FBN2: variants seen among roughly 807,000 people sequenced by gnomAD.
FBN2 encodes fibrillin 2, also known as fibrillin-2.
In FBN2, 105 loss-of-function variants were observed where a neutral mutation model predicts 355.6. The ratio of observed to expected loss-of-function variants is 0.30; its 90% CI spans 0.25 to 0.35. FBN2 has a LOEUF of 0.35. FBN2 is among the 10% of genes least tolerant of loss of function. FBN2 has a pLI of 1.00. For synonymous variants in FBN2, 1,350 were observed against 1,301.2 expected (o/e 1.04, Z -0.81); for missense variants, 3,280 against 3,758.7 (o/e 0.87, Z 3.33).
At chr5:128,461,551 A>G (rs1436997841) in intron 6 of FBN2, among the ~76,000 whole-genome samples, 6 of 152,192 alleles carry the variant, frequency 3.9e-5, no homozygotes, top group Non-Finnish European at 8.8e-5. Flanking sequence ...ACATGCACAC[A>G]TATGTTTATT....
intron 5 of FBN2, among the ~76,000 whole-genome samples, chr5:128,473,965 C>G (rs1343311414): frequency 6.6e-6 from 1 of 152,200 alleles, no homozygotes; most frequent in Admixed American, 6.5e-5. Flanking sequence ...TTTCACCTTT[C>G]TCTGCAGTCT....
chr5:128,264,085 T>C (rs184099929), intron 62 of FBN2, among the ~76,000 whole-genome samples: 2 of 152,092 alleles, frequency 1.3e-5, no homozygotes, highest in African/African-American at 2.4e-5. Flanking sequence ...TTGGAGGTGA[T>C]GAGAATGTTC....
chr5:128,398,484 A>G (rs1187031109), intron 8 of FBN2, among the ~76,000 whole-genome samples: 1 of 151,990 alleles, frequency 6.6e-6, no homozygotes, highest in Non-Finnish European at 1.5e-5. Flanking sequence ...CAGACTTAAA[A>G]GAGATCAAAC....
chr5:128,289,544 C>T (rs949994529), intron 51 of FBN2, among the ~76,000 whole-genome samples: 2 of 151,914 alleles, frequency 1.3e-5, no homozygotes, highest in Admixed American at 1.3e-4. Context: ...AGCTGGATCG[C>T]ACCACTGCAT....
chr5:128,393,014 C>T, intron 10 of FBN2, 121 bp downstream of exon 10: 1 of 720,738 alleles, frequency 1.4e-6, no homozygotes, highest in Non-Finnish European at 2.4e-6. Context: ...CACCCACAAA[C>T]ACACACACAC....
chr5:128,307,992 C>CTCAA (rs1166357289), intron 41 of FBN2, among the ~76,000 whole-genome samples: 1 of 152,042 alleles, frequency 6.6e-6, no homozygotes, highest in African/African-American at 2.4e-5. Context: ...ACCACAGATG[C>CTCAA]TCAACTTAAT....
At chr5:128,314,918 A>G (rs989991251) in intron 36 of FBN2, among the ~76,000 whole-genome samples, 1 of 152,168 alleles carries the variant, frequency 6.6e-6, no homozygotes. Context: ...TTGCTTTTAA[A>G]AAAAAACCCT....
Position 128,335,492 on chromosome 5 carries a change from C to T in FBN2, c.3810G>A (p.Glu1270=). 6.2e-7 allele frequency: 1 copy of T among 1,614,228 alleles called. No individual in the cohort carries two copies. Among genetic ancestry groups the T allele is most frequent in the South Asian group, 1.1e-5 (1 of 91,090 alleles). Residue 1270 remains glutamate, a synonymous_variant, in exon 29 of 65, where the codon GAG becomes GAA. Coordinates refer to ENST00000262464, the MANE Select transcript of FBN2 (RefSeq NM_001999.4). Reference sequence around the variant, plus strand: ...TCCCATCTGGCATCAGGGCATAACCCTCACTGCAGCTGCATTCGTAGCTTC... The same window carrying T: ...TCCCATCTGGCATCAGGGCATAACCTTCACTGCAGCTGCATTCGTAGCTTC... ...SEGSYECSCS[E]GYALMPDGRS...
chr5:128,362,132 A>T (rs1168717637), intron 18 of FBN2, among the ~76,000 whole-genome samples: 1 of 152,190 alleles, frequency 6.6e-6, no homozygotes, highest in Non-Finnish European at 1.5e-5. Flanking sequence ...TCCTGTAATG[A>T]TATTATGTTA....
At chr5:128,280,449 A>T in intron 55 of FBN2, 132 bp from the exon 56 acceptor site, 1 of 683,582 alleles carries the variant, frequency 1.5e-6, no homozygotes, top group Non-Finnish European at 2.6e-6. Context: ...AAAAATGGTC[A>T]TGTGTGAATA....
At chr5:128,302,187 C>T (rs192808254) in intron 46 of FBN2, among the ~76,000 whole-genome samples, 22 of 152,096 alleles carry the variant, frequency 1.4e-4, no homozygotes, top group Non-Finnish European at 2.9e-4. Context: ...TAAATGAGGA[C>T]GTGGGGATGA....
At chr5:128,259,952 T>C (rs966355461) in intron 64 of FBN2, 123 bp from the exon 65 acceptor site, 2 of 955,170 alleles carry the variant, frequency 2.1e-6, no homozygotes, top group African/African-American at 1.6e-5. Context: ...TCCCGCTTTC[T>C]GCACTCTCCT....
At chr5:128,422,062 G>C (rs912035741) in intron 7 of FBN2, among the ~76,000 whole-genome samples, 1 of 152,146 alleles carries the variant, frequency 6.6e-6, no homozygotes. Flanking sequence ...AAGGAACGAG[G>C]GTAGCCTCTC....
chr5:128,475,330 A>G (rs1754981213), intron 5 of FBN2, among the ~76,000 whole-genome samples: 1 of 152,176 alleles, frequency 6.6e-6, no homozygotes, highest in African/African-American at 2.4e-5. Context: ...AATTCATGTC[A>G]CAGACAAAAA....
In FBN2 at chr5:128,312,920, C is replaced by G; in HGVS notation, c.4718-125G>C. 2.9e-6 allele frequency: 3 copies of G among 1,051,228 alleles called. No individual in the cohort carries two copies. The South Asian group carries it at 3.8e-5, about 13-fold the overall frequency. The allele number at this position is 1,051,228 out of a possible 1,614,324, so 65.1% of individuals were successfully genotyped here. A position where few individuals can be genotyped will look rare whatever the true frequency, so the allele number is the denominator to read the frequency against. On this transcript the variant is annotated intron_variant, in intron 36 of 64. Coordinates refer to ENST00000262464, the MANE Select transcript of FBN2 (RefSeq NM_001999.4). ...GTTAACATGAAAGGTTCCTTTTAAT[C>G]CTTAAGTACCAAGCAATCTCCTGCT...
At chr5:128,475,873 A>G (rs1754995829) in intron 5 of FBN2, among the ~76,000 whole-genome samples, 1 of 152,192 alleles carries the variant, frequency 6.6e-6, no homozygotes, top group Middle Eastern at 3.2e-3. Flanking sequence ...AGGATTCTTG[A>G]AACAAAAGAG....
rs1352999524 is a variant in FBN2 at position 128,258,608 on chromosome 5, G to A, written c.*847C>T. On this transcript the variant is annotated 3_prime_UTR_variant, in exon 65 of 65. Transcript: ENST00000262464. ...ACCCTGGGTAAGAATGAGGTGTTGT[G>A]GGTAGCACATATGGTTCCTTGAGGT... The A allele has an allele frequency of 6.6e-6, 1 of 152,566 alleles. No individual in the cohort carries two copies. Among genetic ancestry groups the A allele is most frequent in the Non-Finnish European group, 1.5e-5 (1 of 68,054 alleles). The allele number at this position is 152,566 out of a possible 1,614,324, so 9.5% of individuals were successfully genotyped here. A position where few individuals can be genotyped will look rare whatever the true frequency, so the allele number is the denominator to read the frequency against.
In FBN2 at chr5:128,278,731, C is replaced by T; in HGVS notation, c.7249G>A (p.Gly2417Ser). The change falls in exon 57 of 65, where the codon GGC (glycine) becomes AGC (serine). Residue 2417 changes from glycine to serine, a missense_variant. Around this residue, in one of 6 missense-constraint regions of FBN2, gnomAD observed 2,284 missense variants for 2,749.5 expected, o/e 0.83. Transcript: ENST00000262464. ...CAAAGCTCGCACTGGTGGCCCCAGC[C>T]TCGCCCACCATCACAGCAGCATTCT... ...KSECCCDGGR[G>S]WGHQCELCPL... 6.2e-7 allele frequency: 1 copy of T among 1,614,136 alleles called. No homozygotes were observed. Among genetic ancestry groups the T allele is most frequent in the Non-Finnish European group, 8.5e-7 (1 of 1,179,996 alleles).
At chr5:128,418,730 T>C (rs1753267829) in intron 7 of FBN2, among the ~76,000 whole-genome samples, 1 of 152,178 alleles carries the variant, frequency 6.6e-6, no homozygotes, top group Non-Finnish European at 1.5e-5. Flanking sequence ...AGAAGATATG[T>C]GGTATGATTT....
Sources: allele counts gnomAD v4.1 joint callset (sites outside exome capture counted in the v4.1 genomes callset), GRCh38; gene constraint gnomAD v4.1.1; regional missense constraint gnomAD v4.1.1; transcripts MANE v1.5; gene names NCBI Gene and HGNC (gene_info 2026-07-23, HGNC 2026-07-21).